Variants in AXL observed in about 807,000 individuals in gnomAD.
AXL encodes the protein tyrosine-protein kinase receptor UFO.
Under a neutral mutation model 104.5 loss-of-function variants are expected in AXL, and 52 were observed. The observed-to-expected ratio is 0.50, with a 90% CI of 0.40 to 0.63. AXL has a LOEUF of 0.63. Ranked by LOEUF, AXL falls within the 20% of genes least tolerant of loss-of-function variation. The pLI is 0.00. For missense variants in AXL, 1,024 were observed against 1,188.5 expected (o/e 0.86, Z 2.04); for synonymous variants, 455 against 473.7 (o/e 0.96, Z 0.51).
intron 1 of AXL, among the ~76,000 whole-genome samples, chr19:41,219,876 G>A (rs948830492): frequency 3.4e-4 from 52 of 151,724 alleles, no homozygotes; most frequent in African/African-American, 1.3e-3. Context: ...TGGAGCCCTG[G>A]GGGAAAACGC....
chr19:41,248,836 A>G lies in AXL; in HGVS notation c.1711+16A>G, dbSNP rs780965363. 2.6e-5 allele frequency: 41 copies of G among 1,595,946 alleles called. No homozygotes were observed. The Admixed American group carries it at 6.8e-4, about 27-fold the overall frequency. ...ACGATGAAGAGTGAGTTACGTGCAC[A>G]TGTGTAGGACCCCCAGCTCCTTCCC... On this transcript the variant is annotated intron_variant, in intron 14 of 19. Coordinates refer to ENST00000301178, the MANE Select transcript of AXL (RefSeq NM_021913.5).
chr19:41,239,384 AC>A, intron 9 of AXL, 70 bp downstream of exon 9: 1 of 1,523,810 alleles, frequency 6.6e-7, no homozygotes, highest in East Asian at 2.3e-5. Flanking sequence ...TACTCCTTGT[AC>A]CTTTCAGTGT....
In AXL at chr19:41,260,298, CTTTTTTTTTTTT is replaced by C. The variant is rs869213717; in HGVS notation, c.*414_*425del. On this transcript the variant is annotated 3_prime_UTR_variant, in exon 20 of 20. Coordinates refer to ENST00000301178, the MANE Select transcript of AXL (RefSeq NM_021913.5). ...TAAAGTGCTAAGGTTCTAAGGCCTA[CTTTTTTTTTTTT>C]TTTTTTTTTTTTTTTTTTTGCGATA... 1.4e-3 allele frequency: 68 copies of C among 48,632 alleles called. No homozygotes were observed. The highest frequency in any genetic ancestry group is 0.01 in the South Asian group (10 of 1,000). 3.0% of individuals were successfully genotyped at this position (48,632 alleles called of 1,614,324 possible). A position where few individuals can be genotyped will look rare whatever the true frequency, so the allele number is the denominator to read the frequency against.
intron 7 of AXL, 105 bp from the exon 8 acceptor site, chr19:41,238,365 T>G: frequency 6.5e-7 from 1 of 1,541,228 alleles, no homozygotes; most frequent in South Asian, 1.2e-5. Flanking sequence ...CCTGCACGAG[T>G]TGCCCACGTG....
intron 4 of AXL, among the ~76,000 whole-genome samples, chr19:41,228,110 G>A (rs75106822): frequency 0.025 from 3,768 of 152,228 alleles, 164 homozygotes; most frequent in African/African-American, 0.086. Flanking sequence ...GTTGTATAGC[G>A]GTTTGTGTTG....
At chr19:41,240,449 T>C (rs1484710547) in intron 10 of AXL, among the ~76,000 whole-genome samples, 3 of 152,060 alleles carry the variant, frequency 2.0e-5, no homozygotes, top group Non-Finnish European at 2.9e-5. Flanking sequence ...GATGGATTTG[T>C]GAGTGGATGA....
chr19:41,242,248 A>G (rs3786555), intron 10 of AXL, among the ~76,000 whole-genome samples: 42,544 of 150,534 alleles, frequency 0.28, 7,190 homozygotes, highest in African/African-American at 0.47. Flanking sequence ...GCCCAAACAG[A>G]GACTTGAACC....
At chr19:41,258,802 G>C (rs949600690) in intron 19 of AXL, among the ~76,000 whole-genome samples, 1 of 152,220 alleles carries the variant, frequency 6.6e-6, no homozygotes, top group Non-Finnish European at 1.5e-5. Flanking sequence ...AACAACAAAC[G>C]TTTATTATCT....
At chr19:41,237,675 G>A (rs957739448) in intron 6 of AXL, among the ~76,000 whole-genome samples, 2 of 152,180 alleles carry the variant, frequency 1.3e-5, no homozygotes, top group African/African-American at 2.4e-5. Context: ...CTAAGGCCCC[G>A]TGTGCCCAAG....
intron 4 of AXL, among the ~76,000 whole-genome samples, chr19:41,224,475 C>A (rs1036377928): frequency 6.6e-6 from 1 of 152,030 alleles, no homozygotes; most frequent in Non-Finnish European, 1.5e-5. Flanking sequence ...TGGGCTCAAG[C>A]AATCCTCCTA....
intron 9 of AXL, 84 bp from the exon 10 acceptor site, chr19:41,239,610 G>A (rs368090279): frequency 8.8e-5 from 136 of 1,553,574 alleles, no homozygotes; most frequent in Non-Finnish European, 1.1e-4. Flanking sequence ...TCCCTTACCC[G>A]TGCCACACCC....
chr19:41,256,369 G>A (rs1203698633), intron 17 of AXL, 83 bp from the exon 18 acceptor site: 7 of 1,509,104 alleles, frequency 4.6e-6, no homozygotes, highest in African/African-American at 4.1e-5. Context: ...GGGAGGAGGT[G>A]CAGATGTGTC....
At chr19:41,235,894 T>A (rs2122229466) in intron 6 of AXL, among the ~76,000 whole-genome samples, 1 of 152,322 alleles carries the variant, frequency 6.6e-6, no homozygotes. Flanking sequence ...TATCTTTTTT[T>A]ATTAAGATAA....
chr19:41,257,424 A>G (rs530269407), intron 18 of AXL, 69 bp from the exon 19 acceptor site: 12 of 1,600,936 alleles, frequency 7.5e-6, no homozygotes, highest in Non-Finnish European at 1.0e-5. Context: ...GGGTGTACCC[A>G]TGAACCTGGG....
intron 10 of AXL, among the ~76,000 whole-genome samples, chr19:41,242,315 CTTTTTTTTTTT>C (rs574315254): frequency 4.8e-5 from 4 of 83,864 alleles, no homozygotes; most frequent in Non-Finnish European, 6.3e-5. Context: ...CTGGCACTCT[CTTTTTTTTTTT>C]TTTTTTTTTT....
intron 14 of AXL, 41 bp from the exon 15 acceptor site, chr19:41,252,310 T>TC (rs758242172): frequency 3.3e-6 from 5 of 1,534,804 alleles, no homozygotes; most frequent in Non-Finnish European, 1.8e-6. Context: ...GAGTCCTCCC[T>TC]CTCCTCCCCT....
intron 12 of AXL, among the ~76,000 whole-genome samples, chr19:41,245,081 C>A (rs1186683472): frequency 6.6e-6 from 1 of 151,868 alleles, no homozygotes; most frequent in East Asian, 1.9e-4. Flanking sequence ...CAGGCACATG[C>A]CACAACGCCT....
chr19:41,253,328 C>T (rs2034398198), intron 16 of AXL, among the ~76,000 whole-genome samples: 1 of 151,932 alleles, frequency 6.6e-6, no homozygotes. Context: ...GGCAAAGGCT[C>T]GGAGGTGGGA....
chr19:41,225,502 G>A (rs1040169889), intron 4 of AXL, among the ~76,000 whole-genome samples: 2 of 152,174 alleles, frequency 1.3e-5, no homozygotes, highest in South Asian at 2.1e-4. Flanking sequence ...ACGCTGTTAC[G>A]TGGTGTGTGT....
Sources: allele counts gnomAD v4.1 joint callset (sites outside exome capture counted in the v4.1 genomes callset), GRCh38; gene constraint gnomAD v4.1.1; transcripts MANE v1.5; gene names NCBI Gene and HGNC (gene_info 2026-07-23, HGNC 2026-07-21).